TCF12: variants seen among roughly 807,000 people sequenced by gnomAD.
TCF12 encodes DNA-binding protein HTF4.
In TCF12, 45 loss-of-function variants were observed where a neutral mutation model predicts 86.0. The ratio of observed to expected loss-of-function variants is 0.52; its 90% CI spans 0.41 to 0.67. The LOEUF (loss-of-function observed/expected upper bound fraction) is 0.67. TCF12 is among the 30% of genes least tolerant of loss of function. The probability of loss-of-function intolerance (pLI) is 0.00; values close to 1 mark genes in which losing one functional copy is unlikely to be tolerated. For synonymous variants in TCF12, 330 were observed against 299.6 expected (o/e 1.10, Z -1.05); for missense variants, 881 against 859.9 (o/e 1.02, Z -0.31).
At chr15:57,086,707 A>T (rs1009406186) in intron 4 of TCF12, among the ~76,000 whole-genome samples, 11 of 2,056 alleles carry the variant, frequency 5.4e-3, no homozygotes, top group Non-Finnish European at 0.016. Flanking sequence ...CCTCCCTTTA[A>T]AAAAAAAAAA....
rs574519311 is a variant in TCF12 at position 57,062,469 on chromosome 15, T to C, written c.149-1281T>C. ...CTTTTTAAAAAAAGTTATTAAAATA[T>C]ACTTTAGTCACTTGATACAGGAAGT... On this transcript the variant is annotated intron_variant, in intron 3 of 20. Coordinates refer to ENST00000333725, the MANE Select transcript of TCF12 (RefSeq NM_207037.2). Among the ~76,000 whole-genome samples, 195 of 152,228 alleles carry C rather than the reference T, an allele frequency of 1.3e-3. 1 individual carries two copies. Among genetic ancestry groups the C allele is most frequent in the Middle Eastern group, 3.4e-3 (1 of 294 alleles).
At chr15:57,105,152 G>A (rs2050055623) in intron 5 of TCF12, among the ~76,000 whole-genome samples, 1 of 151,988 alleles carries the variant, frequency 6.6e-6, no homozygotes, top group African/African-American at 2.4e-5. Context: ...GGGATTACAG[G>A]CCTGAGCTAC....
intron 8 of TCF12, among the ~76,000 whole-genome samples, chr15:57,230,171 T>TCC (rs2059068964): frequency 6.6e-6 from 1 of 151,988 alleles, no homozygotes; most frequent in Non-Finnish European, 1.5e-5. Context: ...AATACATGCT[T>TCC]CCATAATGTT....
chr15:57,101,451 C>T (rs1596530352), intron 5 of TCF12, among the ~76,000 whole-genome samples: 1 of 152,314 alleles, frequency 6.6e-6, no homozygotes, highest in East Asian at 1.9e-4. Context: ...TTCAAGCGAT[C>T]CTCCAGGCTT....
At chr15:57,034,843 G>A (rs2566854) in intron 3 of TCF12, among the ~76,000 whole-genome samples, 152,109 of 152,354 alleles carry the variant, frequency 1, 75,934 homozygotes, top group East Asian at 1. Context: ...ACTGCCTTTA[G>A]CAAAACAGTG....
chr15:56,931,024 G>A (rs2060222260), intron 3 of TCF12, among the ~76,000 whole-genome samples: 1 of 151,924 alleles, frequency 6.6e-6, no homozygotes, highest in Non-Finnish European at 1.5e-5. Context: ...TTTAGAAAAG[G>A]TATTATGGAG....
chr15:56,959,575 T>G (rs1371145985), intron 3 of TCF12, among the ~76,000 whole-genome samples: 1 of 152,238 alleles, frequency 6.6e-6, no homozygotes, highest in Non-Finnish European at 1.5e-5. Context: ...AATTCAGTTT[T>G]TGTAGGAGAA....
At chr15:57,131,380 A>G (rs1189324408) in intron 5 of TCF12, among the ~76,000 whole-genome samples, 1 of 152,134 alleles carries the variant, frequency 6.6e-6, no homozygotes, top group Non-Finnish European at 1.5e-5. Flanking sequence ...AATTGTTTGG[A>G]GAGGTTTTAT....
chr15:57,155,614 A>C (rs1171107382), intron 5 of TCF12, among the ~76,000 whole-genome samples: 1 of 152,082 alleles, frequency 6.6e-6, no homozygotes, highest in African/African-American at 2.4e-5. Flanking sequence ...GGGCAACATA[A>C]GAGACCCCCA....
chr15:57,264,479 G>C (rs11631084), intron 18 of TCF12, among the ~76,000 whole-genome samples: 1 of 151,242 alleles, frequency 6.6e-6, no homozygotes, highest in Admixed American at 6.6e-5. Flanking sequence ...GGGATTACAG[G>C]CATGAGCCAC....
intron 8 of TCF12, among the ~76,000 whole-genome samples, chr15:57,203,426 A>C (rs1341148134): frequency 1.3e-5 from 2 of 152,214 alleles, no homozygotes; most frequent in Non-Finnish European, 2.9e-5. Flanking sequence ...ATAATAGAAG[A>C]AGCAAGATAT....
Position 57,232,864 on chromosome 15 carries a change from T to A in TCF12, c.970+8T>A. 6.5e-7 allele frequency: 1 copy of A among 1,538,586 alleles called. No individual in the cohort carries two copies. Among genetic ancestry groups the A allele is most frequent in the Non-Finnish European group, 8.7e-7 (1 of 1,143,386 alleles). On this transcript the variant is annotated splice_region_variant and intron_variant, in intron 11 of 20. Transcript: ENST00000333725. ...GATCAGACAGCATTCTAGGTGAGCTTTTTGAGTTGGCAAAACTTCCTAAAA... is the reference window on the plus strand; with the variant it reads ...GATCAGACAGCATTCTAGGTGAGCTATTTGAGTTGGCAAAACTTCCTAAAA...
chr15:57,133,109 T>C (rs2052261164), intron 5 of TCF12, among the ~76,000 whole-genome samples: 1 of 152,242 alleles, frequency 6.6e-6, no homozygotes, highest in South Asian at 2.1e-4. Context: ...ACTTTCATCC[T>C]CCTTTGTTTC....
chr15:57,132,941 A>G (rs1319062824), intron 5 of TCF12, among the ~76,000 whole-genome samples: 1 of 152,168 alleles, frequency 6.6e-6, no homozygotes, highest in East Asian at 1.9e-4. Flanking sequence ...CACCCCTCAC[A>G]CACCAGGAGA....
At chr15:57,267,733 A>T (rs1048276014) in intron 18 of TCF12, among the ~76,000 whole-genome samples, 8 of 152,196 alleles carry the variant, frequency 5.3e-5, no homozygotes, top group Non-Finnish European at 1.0e-4. Flanking sequence ...AGAAATTAGG[A>T]GGCAGTGTAA....
chr15:57,027,027 A>G (rs1227890715), intron 3 of TCF12, among the ~76,000 whole-genome samples: 1 of 151,674 alleles, frequency 6.6e-6, no homozygotes, highest in African/African-American at 2.4e-5. Flanking sequence ...TTTTTTCCCA[A>G]ATGTTTTCGA....
intron 3 of TCF12, among the ~76,000 whole-genome samples, chr15:56,980,802 G>A (rs1241231174): frequency 5.9e-5 from 9 of 152,078 alleles, no homozygotes; most frequent in Admixed American, 5.9e-4. Context: ...TACTCATGTG[G>A]CTCTCTTCTC....
chr15:57,210,571 A>G (rs2058060717), intron 8 of TCF12, among the ~76,000 whole-genome samples: 1 of 152,138 alleles, frequency 6.6e-6, no homozygotes, highest in South Asian at 2.1e-4. Flanking sequence ...AGAGCTAGGA[A>G]GTCATGCATT....
intron 3 of TCF12, among the ~76,000 whole-genome samples, chr15:57,054,247 T>G (rs1413684318): frequency 6.6e-6 from 1 of 152,200 alleles, no homozygotes; most frequent in South Asian, 2.1e-4. Flanking sequence ...AAGTTAATAA[T>G]AGTAATTGCT....
Sources: gnomAD v4.1 joint callset for allele counts (sites outside exome capture counted in the v4.1 genomes callset) on GRCh38, gnomAD v4.1.1 for gene constraint, MANE v1.5 for transcripts, NCBI Gene and HGNC (gene_info 2026-07-23, HGNC 2026-07-21) for gene names.